The following AK5 variants were observed in gnomAD, a reference collection of about 807,000 sequenced individuals.
The protein encoded by AK5 is adenylate kinase isoenzyme 5.
In AK5, 27 loss-of-function variants were observed where a neutral mutation model predicts 69.5. The observed-to-expected ratio is 0.39, with a 90% CI of 0.29 to 0.54. The LOEUF (loss-of-function observed/expected upper bound fraction) is 0.54. Ranked by LOEUF, AK5 falls within the 20% of genes least tolerant of loss-of-function variation. The pLI, the probability that AK5 is intolerant of heterozygous loss-of-function variation, is 0.71. For missense variants in AK5, 531 were observed against 700.4 expected (o/e 0.76, Z 2.73); for synonymous variants, 260 against 244.4 (o/e 1.06, Z -0.60).
chr1:77,473,737 C>G (rs576619888), intron 8 of AK5, among the ~76,000 whole-genome samples: 7 of 152,262 alleles, frequency 4.6e-5, no homozygotes, highest in Admixed American at 3.9e-4. Flanking sequence ...TAAAAGACAG[C>G]CCCATCTTTG....
chr1:77,287,525 T>C (rs929603847), intron 2 of AK5, among the ~76,000 whole-genome samples: 20 of 152,370 alleles, frequency 1.3e-4, no homozygotes, highest in African/African-American at 4.8e-4. Context: ...AGATTTGGCT[T>C]ACTAATATTT....
intron 7 of AK5, among the ~76,000 whole-genome samples, chr1:77,412,713 C>T (rs1650125953): frequency 6.6e-6 from 1 of 152,090 alleles, no homozygotes; most frequent in Admixed American, 6.6e-5. Flanking sequence ...CAGGTTTGGT[C>T]CCGCCACTGT....
chr1:77,547,615 A>G (rs1406933466), intron 13 of AK5, among the ~76,000 whole-genome samples: 4 of 152,096 alleles, frequency 2.6e-5, no homozygotes, highest in Non-Finnish European at 5.9e-5. Flanking sequence ...TTTATGAACT[A>G]TGTATTCAAA....
intron 12 of AK5, among the ~76,000 whole-genome samples, chr1:77,524,605 T>A (rs1337823288): frequency 6.6e-6 from 1 of 152,222 alleles, no homozygotes; most frequent in Non-Finnish European, 1.5e-5. Context: ...TTTGTTGTTG[T>A]CTAGTTGTAG....
chr1:77,494,623 G>A (rs912960758), intron 10 of AK5, among the ~76,000 whole-genome samples: 2 of 152,088 alleles, frequency 1.3e-5, no homozygotes, highest in Non-Finnish European at 2.9e-5. Context: ...GTACAACAGA[G>A]ACATAGCCCA....
intron 8 of AK5, among the ~76,000 whole-genome samples, chr1:77,455,553 C>T (rs1267209876): frequency 2.0e-5 from 3 of 152,054 alleles, no homozygotes; most frequent in Non-Finnish European, 4.4e-5. Flanking sequence ...AAAAACAGGC[C>T]CTCACCAGAC....
intron 7 of AK5, among the ~76,000 whole-genome samples, chr1:77,413,042 TG>T (rs1301779951): frequency 6.5e-5 from 2 of 30,868 alleles, no homozygotes; most frequent in African/African-American, 1.2e-4. Flanking sequence ...CCTGCCTTTC[TG>T]AAAAAAAAAC....
At chr1:77,508,261 C>A (rs1263552094) in intron 10 of AK5, among the ~76,000 whole-genome samples, 1 of 152,156 alleles carries the variant, frequency 6.6e-6, no homozygotes, top group Non-Finnish European at 1.5e-5. Context: ...TTCCTGTCCA[C>A]TTCCAAGTAA....
At chr1:77,558,395 ATAGATG>A (rs1201029657) in intron 13 of AK5, among the ~76,000 whole-genome samples, 1 of 150,746 alleles carries the variant, frequency 6.6e-6, no homozygotes, top group Admixed American at 6.6e-5. Flanking sequence ...GGCTATTCTA[ATAGATG>A]TGTAGTGGTA....
In AK5 at chr1:77,486,319, G is replaced by A; in HGVS notation, c.1114G>A (p.Asp372Asn). Residue 372 changes from aspartate (D) to asparagine (N), a missense_variant, in exon 10 of 14, where the codon GAT becomes AAT. Transcript: ENST00000354567. ...GEDTMGGFME[D>N]LRKCKIIFII... ...TTCTTATTTTAAAGGTTTCATGGAA[G>A]ATTTGAGAAAGTGTAAAATTATTTT... 6.3e-7 allele frequency: 1 copy of A among 1,580,218 alleles called. No individual in the cohort carries two copies. Among genetic ancestry groups the A allele is most frequent in the Non-Finnish European group, 8.7e-7 (1 of 1,151,818 alleles).
intron 8 of AK5, among the ~76,000 whole-genome samples, chr1:77,470,862 TATATATATATA>T (rs1557615817): frequency 0.024 from 62 of 2,632 alleles, no homozygotes; most frequent in Non-Finnish European, 0.032. Flanking sequence ...TATATATATA[TATATATATATA>T]TATTTTTTTT....
chr1:77,435,644 C>CAAAAAAAAAAAAAAAAAAAA (rs1202203579), intron 8 of AK5, among the ~76,000 whole-genome samples: 1 of 66,078 alleles, frequency 1.5e-5, no homozygotes, highest in African/African-American at 5.7e-5. Context: ...GACTCTGTCT[C>CAAAAAAAAAAAAAAAAAAAA]AAAAAAAAAA....
At chr1:77,355,534 C>A (rs957405452) in intron 6 of AK5, among the ~76,000 whole-genome samples, 6 of 152,192 alleles carry the variant, frequency 3.9e-5, no homozygotes, top group African/African-American at 1.4e-4. Flanking sequence ...CAGTCCTGAT[C>A]AACCTCATCA....
At chr1:77,518,285 C>T in intron 10 of AK5, among the ~76,000 whole-genome samples, 1 of 152,170 alleles carries the variant, frequency 6.6e-6, no homozygotes, top group Non-Finnish European at 1.5e-5. Flanking sequence ...CTGCCTGTGA[C>T]CATGGGTTAC....
At chr1:77,423,983 A>C (rs1292637505) in intron 8 of AK5, among the ~76,000 whole-genome samples, 2 of 152,190 alleles carry the variant, frequency 1.3e-5, no homozygotes, top group African/African-American at 4.8e-5. Flanking sequence ...CAAAGGGAGA[A>C]AAGTATCGAA....
At chr1:77,524,839 G>T (rs1056228750) in intron 12 of AK5, among the ~76,000 whole-genome samples, 1 of 152,024 alleles carries the variant, frequency 6.6e-6, no homozygotes, top group East Asian at 1.9e-4. Context: ...CCTTCCCTCC[G>T]TATTTTCTTC....
intron 12 of AK5, among the ~76,000 whole-genome samples, chr1:77,527,913 G>A (rs1374367325): frequency 6.6e-6 from 1 of 152,220 alleles, no homozygotes; most frequent in Non-Finnish European, 1.5e-5. Context: ...TACAAAATTA[G>A]CGGGACGTGG....
chr1:77,547,407 G>A (rs918777236), intron 13 of AK5, among the ~76,000 whole-genome samples: 1 of 151,456 alleles, frequency 6.6e-6, no homozygotes, highest in African/African-American at 2.4e-5. Context: ...CCAGGTAGCT[G>A]GAAGTACAGG....
chr1:77,531,004 A>G (rs1396391423), intron 12 of AK5, among the ~76,000 whole-genome samples: 1 of 152,044 alleles, frequency 6.6e-6, no homozygotes, highest in African/African-American at 2.4e-5. Context: ...GGGTGCAAGG[A>G]TGAGTGTGGT....
Sources: gnomAD v4.1 joint callset for allele counts (sites outside exome capture counted in the v4.1 genomes callset) on GRCh38, gnomAD v4.1.1 for gene constraint, MANE v1.5 for transcripts, NCBI Gene and HGNC (gene_info 2026-07-23, HGNC 2026-07-21) for gene names.